The following CRB1 variants were observed in gnomAD, a reference collection of about 807,000 sequenced individuals.
The protein encoded by CRB1 is crumbs cell polarity complex component 1.
Under a neutral mutation model 120.0 loss-of-function variants are expected in CRB1, and 83 were observed. That is an observed-to-expected ratio of 0.69 (90% CI 0.58 to 0.83). CRB1 has a LOEUF of 0.83. CRB1 is among the 40% of genes least tolerant of loss of function. The probability of loss-of-function intolerance (pLI) is 0.00; values close to 1 mark genes in which losing one functional copy is unlikely to be tolerated. For missense variants in CRB1, 1,699 were observed against 1,687.6 expected, an observed-to-expected ratio of 1.01 and a Z score of -0.12; for synonymous variants, 625 against 612.5, an observed-to-expected ratio of 1.02 and a Z score of -0.30.
intron 11 of CRB1, among the ~76,000 whole-genome samples, chr1:197,457,447 T>C (rs1571606217): frequency 6.6e-6 from 1 of 152,274 alleles, no homozygotes; most frequent in African/African-American, 2.4e-5. Flanking sequence ...TCCCGGAGCA[T>C]CTGCATCTAT....
the CRB1 span, among the ~76,000 whole-genome samples, chr1:197,231,677 C>A: frequency 6.6e-6 from 1 of 152,152 alleles, no homozygotes; most frequent in Non-Finnish European, 1.5e-5. Context: ...GCAAAGTGGG[C>A]ATGCTAAAGT....
intron 1 of CRB1, among the ~76,000 whole-genome samples, chr1:197,302,877 A>G (rs1243874046): frequency 6.6e-6 from 1 of 152,214 alleles, no homozygotes; most frequent in Non-Finnish European, 1.5e-5. Flanking sequence ...ATACTCCTGT[A>G]TGCAACTGAA....
intron 5 of CRB1, among the ~76,000 whole-genome samples, chr1:197,394,601 T>C (rs1307220761): frequency 6.6e-6 from 1 of 152,052 alleles, no homozygotes; most frequent in Non-Finnish European, 1.5e-5. Flanking sequence ...CAAATTATAA[T>C]TAATGCAATT....
the CRB1 span, among the ~76,000 whole-genome samples, chr1:197,240,935 A>C: frequency 3.9e-5 from 6 of 152,108 alleles, no homozygotes; most frequent in Admixed American, 3.9e-4. Context: ...TTTGATTTGC[A>C]TTTCTCTAAT....
intron 5 of CRB1, among the ~76,000 whole-genome samples, chr1:197,405,596 G>A (rs1245034042): frequency 7.3e-5 from 11 of 151,584 alleles, no homozygotes; most frequent in Non-Finnish European, 1.5e-4. Context: ...AGTGAGGAGC[G>A]TCTCTGCCCG....
intron 5 of CRB1, among the ~76,000 whole-genome samples, chr1:197,383,978 T>G (rs1049561844): frequency 1.3e-5 from 2 of 152,218 alleles, no homozygotes; most frequent in Non-Finnish European, 2.9e-5. Context: ...ATAAGTTTAA[T>G]GCAGAAGTTA....
intron 4 of CRB1, among the ~76,000 whole-genome samples, chr1:197,355,976 C>G (rs1660459072): frequency 6.6e-6 from 1 of 152,218 alleles, no homozygotes; most frequent in African/African-American, 2.4e-5. Context: ...TTAATTGCAA[C>G]ATCACAATAG....
chr1:197,465,053 T>C (rs569963788), intron 11 of CRB1, among the ~76,000 whole-genome samples: 1 of 152,298 alleles, frequency 6.6e-6, no homozygotes, highest in South Asian at 2.1e-4. Flanking sequence ...AAAGATGTGG[T>C]CATTGTGAAT....
the CRB1 span, among the ~76,000 whole-genome samples, chr1:197,245,706 C>G: frequency 6.6e-6 from 1 of 151,902 alleles, no homozygotes; most frequent in Admixed American, 6.6e-5. Context: ...GTCGCCAGGT[C>G]TATTTAAGCT....
intron 11 of CRB1, chr1:197,443,862 A>G (rs1443867419): frequency 6.6e-6 from 1 of 152,170 alleles, no homozygotes; most frequent in African/African-American, 2.4e-5. Flanking sequence ...CATTTATGCT[A>G]AATATCTTTG....
the CRB1 span, among the ~76,000 whole-genome samples, chr1:197,226,641 T>C: frequency 6.6e-6 from 1 of 151,926 alleles, no homozygotes; most frequent in Non-Finnish European, 1.5e-5. Context: ...TTAGCATCCA[T>C]AGAAGAAGAG....
At chr1:197,385,018 T>C (rs1393169077) in intron 5 of CRB1, among the ~76,000 whole-genome samples, 10 of 152,138 alleles carry the variant, frequency 6.6e-5, no homozygotes. Context: ...GGATTTTCTG[T>C]CTGAGGAGTT....
Position 197,438,536 on chromosome 1 carries a change from T to C in CRB1, c.3750-11T>C, listed in dbSNP as rs2125506087. ...GATGAACAGCTGTGGCTCTTGCTTTTATCTCTCTAGACAGAGCAGATTACC... is the reference window on the plus strand; with the variant it reads ...GATGAACAGCTGTGGCTCTTGCTTTCATCTCTCTAGACAGAGCAGATTACC... On this transcript the variant is annotated splice_polypyrimidine_tract_variant and intron_variant, in intron 9 of 11. Coordinates refer to ENST00000367400, the MANE Select transcript of CRB1 (RefSeq NM_201253.3). 3.1e-6 allele frequency: 5 copies of C among 1,611,726 alleles called. No homozygotes were observed. In the East Asian group the frequency reaches 1.1e-4, roughly 36 times the overall value.
intron 11 of CRB1, chr1:197,444,260 G>T (rs1665595879): frequency 6.6e-6 from 1 of 152,126 alleles, no homozygotes; most frequent in Admixed American, 6.6e-5. Flanking sequence ...TTTTTATATA[G>T]CAAATTCATA....
In CRB1 at chr1:197,293,576, T is replaced by A. The variant is rs9728057; in HGVS notation, c.70+25094T>A. On this transcript the variant is annotated intron_variant, in intron 1 of 11. Coordinates refer to ENST00000367400, the MANE Select transcript of CRB1 (RefSeq NM_201253.3). ...GGAAAAAACTACTTTAAAGTTCATA[T>A]GGAACCAGAAAAGAGCCCGCGTCGC... Among the ~76,000 whole-genome samples, 463 of 152,218 alleles carry A rather than the reference T, an allele frequency of 3.0e-3. 2 individuals are homozygous for A. The highest frequency in any genetic ancestry group is 0.011 in the African/African-American group (444 of 41,552).
the CRB1 span, among the ~76,000 whole-genome samples, chr1:197,218,279 C>A: frequency 6.6e-6 from 1 of 152,062 alleles, no homozygotes; most frequent in South Asian, 2.1e-4. Flanking sequence ...CTGCTACTGG[C>A]AAGAACTTTT....
intron 1 of CRB1, among the ~76,000 whole-genome samples, chr1:197,289,493 T>C (rs1432904443): frequency 3.9e-5 from 6 of 151,904 alleles, no homozygotes; most frequent in African/African-American, 9.6e-5. Flanking sequence ...TTTTTTCAAA[T>C]GTTATTTATG....
At chr1:197,385,292 G>T (rs1662157055) in intron 5 of CRB1, among the ~76,000 whole-genome samples, 1 of 152,208 alleles carries the variant, frequency 6.6e-6, no homozygotes, top group Non-Finnish European at 1.5e-5. Context: ...GTTGAGAATT[G>T]CTTTTCCAAA....
rs537322769 is a variant in CRB1, at chr1:197,453,904, T to A, written c.4005+11612T>A. On this transcript the variant is annotated intron_variant, in intron 11 of 11. Transcript: ENST00000367400. ...ATATATTATTAATATTATTATATTA[T>A]TAATATATATTATTGATATTATTAT... Among the ~76,000 whole-genome samples, 874 of 105,510 alleles carry A rather than the reference T, an allele frequency of 8.3e-3. 20 individuals carry two copies. The highest frequency in any genetic ancestry group is 0.036 in the African/African-American group (822 of 23,060). 69.2% of individuals were successfully genotyped at this position (105,510 alleles called of 152,430 possible).
Sources: allele counts gnomAD v4.1 joint callset (sites outside exome capture counted in the v4.1 genomes callset), GRCh38; gene constraint gnomAD v4.1.1; transcripts MANE v1.5; gene names NCBI Gene and HGNC (gene_info 2026-07-23, HGNC 2026-07-21).